IFT56: variants seen among roughly 807,000 people sequenced by gnomAD.
The protein encoded by IFT56 is intraflagellar transport 56.
the IFT56 span, among the ~76,000 whole-genome samples, chr7:139,177,658 A>G: frequency 4.6e-5 from 7 of 151,212 alleles, no homozygotes; most frequent in African/African-American, 1.7e-4. Flanking sequence ...TACATAGTAT[A>G]TCAGACTGTG....
chr7:139,147,366 T>TTAAA, the IFT56 span: 2 of 1,299,294 alleles, frequency 1.5e-6, no homozygotes, highest in Non-Finnish European at 2.1e-6. Flanking sequence ...GAGAATCTAG[T>TTAAA]GTCCTCTGGA....
chr7:139,162,618 C>G, the IFT56 span, among the ~76,000 whole-genome samples: 1 of 152,074 alleles, frequency 6.6e-6, no homozygotes, highest in Middle Eastern at 3.2e-3. Flanking sequence ...GGGTAAGTCA[C>G]TTAACATTGC....
the IFT56 span, chr7:139,164,988 A>G: frequency 5.8e-6 from 3 of 518,326 alleles, no homozygotes; most frequent in South Asian, 3.6e-5. Flanking sequence ...GCCAATAGTA[A>G]AAGTTCTCAA....
At chr7:139,170,742 T>C in the IFT56 span, among the ~76,000 whole-genome samples, 1 of 152,168 alleles carries the variant, frequency 6.6e-6, no homozygotes, top group Non-Finnish European at 1.5e-5. Context: ...CCACAGCTAG[T>C]ATCATATTGA....
chr7:139,171,765 G>A, the IFT56 span, among the ~76,000 whole-genome samples: 1 of 152,202 alleles, frequency 6.6e-6, no homozygotes, highest in Non-Finnish European at 1.5e-5. Context: ...AAACTCTCCA[G>A]GACATTGGTG....
the IFT56 span, chr7:139,161,063 T>C: frequency 6.5e-7 from 1 of 1,545,218 alleles, no homozygotes; most frequent in Non-Finnish European, 8.9e-7. Context: ...TCAGTCCTAC[T>C]CTGCTTTGGT....
At chr7:139,185,863 TAAAAA>T in the IFT56 span, among the ~76,000 whole-genome samples, 1 of 150,648 alleles carries the variant, frequency 6.6e-6, no homozygotes, top group African/African-American at 2.5e-5. Context: ...ACCTTGAAAA[TAAAAA>T]AAAATCTTCG....
At chr7:139,172,968 G>T in the IFT56 span, 1 of 727,680 alleles carries the variant, frequency 1.4e-6, no homozygotes, top group East Asian at 2.7e-5. Flanking sequence ...GCTGGCGCTT[G>T]GGCTGAGGTG....
chr7:139,158,801 A>T, the IFT56 span, among the ~76,000 whole-genome samples: 1 of 151,654 alleles, frequency 6.6e-6, no homozygotes, highest in African/African-American at 2.4e-5. Context: ...GTGGTCCCAG[A>T]TACTTGGGAG....
the IFT56 span, among the ~76,000 whole-genome samples, chr7:139,186,295 G>A: frequency 6.6e-6 from 1 of 151,964 alleles, no homozygotes; most frequent in Non-Finnish European, 1.5e-5. Context: ...GCATGGTGGT[G>A]TACACCTGTA....
the IFT56 span, chr7:139,173,856 G>A: frequency 1.4e-6 from 1 of 705,340 alleles, no homozygotes; most frequent in Non-Finnish European, 2.6e-6. Context: ...TATTTCTATA[G>A]TTACTGTTGT....
At chr7:139,169,224 ATATAG>A in the IFT56 span, 88 of 1,347,860 alleles carry the variant, frequency 6.5e-5, no homozygotes, top group Admixed American at 1.1e-3. Flanking sequence ...TGTTAGAACC[ATATAG>A]TATAATAAAA....
At chr7:139,160,743 C>G in the IFT56 span, among the ~76,000 whole-genome samples, 1 of 152,132 alleles carries the variant, frequency 6.6e-6, no homozygotes, top group Admixed American at 6.6e-5. Flanking sequence ...GCCCAAGTCA[C>G]TTAACTTTTA....
At chr7:139,137,227 G>A in the IFT56 span, among the ~76,000 whole-genome samples, 1 of 152,186 alleles carries the variant, frequency 6.6e-6, no homozygotes, top group African/African-American at 2.4e-5. Context: ...TTTGTTGGCT[G>A]AGGAATTCAT....
chr7:139,175,812 T>C, the IFT56 span, among the ~76,000 whole-genome samples: 1 of 151,522 alleles, frequency 6.6e-6, no homozygotes, highest in Non-Finnish European at 1.5e-5. Flanking sequence ...TAAGATCTAG[T>C]ATTTGGTTTT....
the IFT56 span, chr7:139,137,946 G>A: frequency 6.3e-7 from 1 of 1,596,382 alleles, no homozygotes; most frequent in South Asian, 1.1e-5. Context: ...GGAGGTTAGT[G>A]TAAAAAAAGT....
chr7:139,157,319 G>A, the IFT56 span, among the ~76,000 whole-genome samples: 48 of 150,522 alleles, frequency 3.2e-4, no homozygotes, highest in Non-Finnish European at 3.9e-4. Flanking sequence ...GCTAATCTTT[G>A]GATTTTTAGT....
the IFT56 span, among the ~76,000 whole-genome samples, chr7:139,176,305 T>C: frequency 6.6e-6 from 1 of 152,088 alleles, no homozygotes; most frequent in East Asian, 1.9e-4. Context: ...TGTATCAAAA[T>C]ATACTGGATA....
chr7:139,135,302 A>T, the IFT56 span, among the ~76,000 whole-genome samples: 2 of 139,530 alleles, frequency 1.4e-5, no homozygotes, highest in Non-Finnish European at 3.0e-5. Flanking sequence ...AAAAAAACAA[A>T]ACAAAACTTA....
Sources: allele counts gnomAD v4.1 joint callset (sites outside exome capture counted in the v4.1 genomes callset), GRCh38; gene constraint gnomAD v4.1.1; transcripts MANE v1.5; gene names NCBI Gene and HGNC (gene_info 2026-07-23, HGNC 2026-07-21).